The following HCN4 variants were observed in gnomAD, a reference collection of about 807,000 sequenced individuals.
HCN4 encodes the protein hyperpolarization activated cyclic nucleotide gated potassium channel 4.
In HCN4, 29 loss-of-function variants were observed where a neutral mutation model predicts 76.9. The observed-to-expected ratio is 0.38, with a 90% CI of 0.28 to 0.51. HCN4 has a LOEUF of 0.51. Among genes scored for constraint, HCN4 ranks in the 20% least tolerant of loss-of-function variants. The probability of loss-of-function intolerance (pLI) is 0.90; values close to 1 mark genes in which losing one functional copy is unlikely to be tolerated. For synonymous variants in HCN4, 772 were observed against 762.5 expected, an observed-to-expected ratio of 1.01 and a Z score of -0.21; for missense variants, 1,416 against 1,715.2, an observed-to-expected ratio of 0.83 and a Z score of 3.08.
chr15:73,368,287 G>A lies in HCN4; in HGVS notation c.-17C>T. The A allele has an allele frequency of 1.4e-6, 2 of 1,475,266 alleles. No homozygotes were observed. The highest frequency in any genetic ancestry group is 1.8e-6 in the Non-Finnish European group (2 of 1,117,052). The allele number at this position is 1,475,266 out of a possible 1,614,324, so 91.4% of individuals were successfully genotyped here. On this transcript the variant is annotated 5_prime_UTR_variant, in exon 1 of 8. Coordinates refer to ENST00000261917, the MANE Select transcript of HCN4 (RefSeq NM_005477.3). The surrounding 1 kb of genome is among the most constrained non-coding windows in gnomAD (Gnocchi z 6.9). ...CTTGTCCATGGCGCCAGGGGCCGGG[G>A]TCGGACCGGGCCGGGGGCAGGAGCG...
In HCN4 at chr15:73,322,788, C is replaced by T. The variant is rs548130184; in HGVS notation, c.3305G>A (p.Arg1102His). 51 of 1,552,348 alleles carry T rather than the reference C, an allele frequency of 3.3e-5. No homozygotes were observed. The highest frequency in any genetic ancestry group is 1.2e-4 in the Admixed American group (6 of 51,196). ...CCCTGAGGAGTGCGGGGAGGCTCTG[C>T]GGAGAGTCTGCGCCCCGTCCTGAGG... The part of the protein sequence containing the change: ...ALPQDGAQTL[R>H]RASPHSSGES... Residue 1102 changes from arginine to histidine, a missense_variant, in exon 8 of 8, where the codon CGC (arginine) becomes CAC (histidine). Arg to His is a conservative substitution (Grantham distance 29). Transcript: ENST00000261917.
chr15:73,334,444 C>G (rs375574421), intron 2 of HCN4, among the ~76,000 whole-genome samples: 2 of 152,026 alleles, frequency 1.3e-5, no homozygotes, highest in African/African-American at 4.8e-5. Flanking sequence ...CAGCACCAGC[C>G]GGGGGGAAGA....
At position 73,336,633 on chromosome 15, in the gene HCN4, GTCTC is replaced by G. The variant is rs1567780913; in HGVS notation, c.1210-4345_1210-4342del. 2.0e-5 allele frequency among the ~76,000 whole-genome samples: 3 copies of G among 152,230 alleles called. No homozygotes were observed. The East Asian group carries it at 5.8e-4, about 29-fold the overall frequency. On this transcript the variant is annotated intron_variant, in intron 2 of 7. Transcript: ENST00000261917. ...AAACCCACCAGCCAGCCGTGAGTGA[GTCTC>G]TCATCCCTCCCCACATCCCATCAAT...
At position 73,322,581 on chromosome 15, in the gene HCN4, C is replaced by A. The variant is rs751152874; in HGVS notation, c.3512G>T (p.Arg1171Ile). 2 of 1,610,116 alleles carry A rather than the reference C, an allele frequency of 1.2e-6. No homozygotes were observed. The highest frequency in any genetic ancestry group is 1.7e-6 in the Non-Finnish European group (2 of 1,178,622). Reference protein sequence around the residue: ...LPPPLSLFGARATSSGGPPLT... With the variant: ...LPPPLSLFGAIATSSGGPPLT... ...AGGGGGCCCCCCAGAAGAGGTGGCTCTTGCCCCAAACAAAGACAGAGGGGG... is the reference window on the plus strand; with the variant it reads ...AGGGGGCCCCCCAGAAGAGGTGGCTATTGCCCCAAACAAAGACAGAGGGGG... The change falls in exon 8 of 8, where the codon AGA (arginine) becomes ATA (isoleucine). Residue 1171 changes from arginine to isoleucine, a missense_variant. Coordinates refer to ENST00000261917, the MANE Select transcript of HCN4 (RefSeq NM_005477.3).
intron 1 of HCN4, among the ~76,000 whole-genome samples, chr15:73,357,097 A>G (rs145033901): frequency 0.011 from 1,664 of 152,284 alleles, 26 homozygotes; most frequent in African/African-American, 0.037. Flanking sequence ...CCAAACATCC[A>G]TGATCACATA....
intron 1 of HCN4, among the ~76,000 whole-genome samples, chr15:73,357,812 G>C: frequency 6.6e-6 from 1 of 152,048 alleles, no homozygotes; most frequent in South Asian, 2.1e-4. Context: ...AGGCCCCTAG[G>C]TAAGAGATCT....
At chr15:73,337,831 G>C (rs550770431) in intron 2 of HCN4, among the ~76,000 whole-genome samples, 2 of 152,308 alleles carry the variant, frequency 1.3e-5, no homozygotes, top group African/African-American at 4.8e-5. Context: ...CCTGTGGGAA[G>C]AACCAAGGTG....
In HCN4 at chr15:73,322,914, G is replaced by T. The variant is rs764262532; in HGVS notation, c.3179C>A (p.Pro1060His). The T allele has an allele frequency of 7.1e-6, 10 of 1,402,630 alleles. No individual in the cohort carries two copies. The highest frequency in any genetic ancestry group is 9.4e-6 in the Non-Finnish European group (10 of 1,061,408). 86.9% of individuals were successfully genotyped at this position (1,402,630 alleles called of 1,614,324 possible). Residue 1060 changes from proline (P) to histidine (H), a missense_variant, in exon 8 of 8, where the codon CCC becomes CAC. Coordinates refer to ENST00000261917, the MANE Select transcript of HCN4 (RefSeq NM_005477.3). Reference sequence around the variant, plus strand: ...GCGCTGGGGGACCTGGGGTGGTGGGGGGCTGGATGCAGGTGGCAGGAGCAA... The same window carrying T: ...GCGCTGGGGGACCTGGGGTGGTGGGTGGCTGGATGCAGGTGGCAGGAGCAA... Reference protein sequence around the residue: ...GSLLLPPASSPPPPQVPQRRG... With the variant: ...GSLLLPPASSHPPPQVPQRRG...
At position 73,324,857 on chromosome 15, in the gene HCN4, G is replaced by A. The variant is rs539608754; in HGVS notation, c.1978+98C>T. ...CACAGACACCTCCCTCCAGGCTGTG[G>A]CCAAGAAGGGTGCTCACTGCCTCTG... On this transcript the variant is annotated intron_variant, in intron 6 of 7. Coordinates refer to ENST00000261917, the MANE Select transcript of HCN4 (RefSeq NM_005477.3). 220 of 1,470,638 alleles carry A rather than the reference G, an allele frequency of 1.5e-4. 2 individuals carry two copies. In the African/African-American group the frequency reaches 2.9e-3, roughly 19 times the overall value. 91.1% of individuals were successfully genotyped at this position (1,470,638 alleles called of 1,614,324 possible). A position where few individuals can be genotyped will look rare whatever the true frequency, so the allele number is the denominator to read the frequency against.
chr15:73,347,606 G>A (rs1484805829), intron 1 of HCN4, among the ~76,000 whole-genome samples: 1 of 152,162 alleles, frequency 6.6e-6, no homozygotes, highest in African/African-American at 2.4e-5. Context: ...GGCTCACAAA[G>A]GAAGGAAGAG....
chr15:73,333,626 G>A (rs1434964157), intron 2 of HCN4, among the ~76,000 whole-genome samples: 1 of 152,166 alleles, frequency 6.6e-6, no homozygotes, highest in East Asian at 1.9e-4. Flanking sequence ...TGACCCTGAA[G>A]GTTCCAGCTA....
chr15:73,330,879 G>A (rs958863342), intron 3 of HCN4, among the ~76,000 whole-genome samples: 3 of 152,214 alleles, frequency 2.0e-5, no homozygotes, highest in African/African-American at 7.2e-5. Context: ...GGGAACAGGG[G>A]TAGGCCCCCA....
chr15:73,338,322 C>G (rs1260828987), intron 2 of HCN4, among the ~76,000 whole-genome samples: 2 of 152,198 alleles, frequency 1.3e-5, no homozygotes, highest in Non-Finnish European at 2.9e-5. Context: ...ACCTTCATTT[C>G]CAGGCCACTA....
Position 73,323,326 on chromosome 15 carries a change from A to T in HCN4, c.2767T>A (p.Ser923Thr), listed in dbSNP as rs1241195017. The T allele has an allele frequency of 6.4e-7, 1 of 1,560,128 alleles. No individual in the cohort carries two copies. Among genetic ancestry groups the T allele is most frequent in the African/African-American group, 1.4e-5 (1 of 73,762 alleles). Residue 923 changes from serine (S) to threonine (T), a missense_variant, in exon 8 of 8, where the codon TCT becomes ACT. Around this residue, in one of 6 missense-constraint regions of HCN4, gnomAD observed 633 missense variants for 579.8 expected, o/e 1.09. Transcript: ENST00000261917. ...ALGGSLSSSD[S>T]PLLTPLQPGA... is the part of the protein sequence containing the mutation. Reference sequence around the variant, plus strand: ...GGCTGCAGCGGGGTGAGCAGGGGAGAGTCGGAGGAGGACAGGGAGCCACCC... The same window carrying T: ...GGCTGCAGCGGGGTGAGCAGGGGAGTGTCGGAGGAGGACAGGGAGCCACCC...
At position 73,322,834 on chromosome 15, in the gene HCN4, A is replaced by C. The variant is rs1202559784; in HGVS notation, c.3259T>G (p.Ser1087Ala). The C allele has an allele frequency of 5.3e-6, 8 of 1,521,400 alleles. No homozygotes were observed. In the Admixed American group the frequency reaches 1.7e-4, roughly 32 times the overall value. The allele number at this position is 1,521,400 out of a possible 1,614,324, so 94.2% of individuals were successfully genotyped here. ...GRLTQDLKLISASQPALPQDG... is the reference protein window; with the variant it reads ...GRLTQDLKLIAASQPALPQDG... ...TGAGGCAGGGCTGGCTGAGACGCGG[A>C]GATGAGCTTGAGGTCCTGGGTGAGG... Residue 1087 changes from serine to alanine, a missense_variant, in exon 8 of 8, where the codon TCC becomes GCC. This residue lies in a region of HCN4 where 633 missense variants were observed against 579.8 expected (regional missense o/e 1.09). Coordinates refer to ENST00000261917, the MANE Select transcript of HCN4 (RefSeq NM_005477.3).
At chr15:73,356,271 C>T (rs187650420) in intron 1 of HCN4, among the ~76,000 whole-genome samples, 79 of 150,692 alleles carry the variant, frequency 5.2e-4, no homozygotes, top group African/African-American at 1.8e-3. Flanking sequence ...ACTGCAGCCT[C>T]GACCTCCCTG....
rs533030987 is a variant in HCN4, at chr15:73,366,996, C to A, written c.785+490G>T. Among the ~76,000 whole-genome samples, 112 of 152,304 alleles carry A rather than the reference C, an allele frequency of 7.4e-4. 1 individual carries two copies. Among genetic ancestry groups the A allele is most frequent in the African/African-American group, 2.6e-3 (109 of 41,578 alleles). On this transcript the variant is annotated intron_variant, in intron 1 of 7. Coordinates refer to ENST00000261917, the MANE Select transcript of HCN4 (RefSeq NM_005477.3). ...CCCAGTGACTTCGGTCCTCCAGGGA[C>A]CCGGCCGCAGCTTCCCAGGGCACCA...
rs374292110 is a variant in HCN4, at chr15:73,343,822, C to G, written c.786-14G>C. ...TCCCAGTAAAATCTGCCCAGAGACA[C>G]AGGGGTCAGTCGCCAGGAAGAGAGA... is the stretch of plus-strand genomic sequence containing the variant. On this transcript the variant is annotated splice_polypyrimidine_tract_variant and intron_variant, in intron 1 of 7. Transcript: ENST00000261917. This position sits in a 1 kb window ranked among gnomAD's most constrained non-coding sequence, Gnocchi z 5.7. The G allele has an allele frequency of 1.1e-5, 18 of 1,613,476 alleles. No homozygotes were observed. Among genetic ancestry groups the G allele is most frequent in the Non-Finnish European group, 1.5e-5 (18 of 1,179,974 alleles).
At position 73,325,457 on chromosome 15, in the gene HCN4, G is replaced by A. The variant is rs1384097989; in HGVS notation, c.1591-13C>T. The A allele has an allele frequency of 6.2e-7, 1 of 1,613,986 alleles. No homozygotes were observed. The highest frequency in any genetic ancestry group is 8.5e-7 in the Non-Finnish European group (1 of 1,179,878). On this transcript the variant is annotated splice_polypyrimidine_tract_variant and intron_variant, in intron 4 of 7. Transcript: ENST00000261917. The surrounding 1 kb of genome is among the most constrained non-coding windows in gnomAD (Gnocchi z 7.4). ...CCACCTGCTTGTACTGAGGCCGGGA[G>A]AAGGGGGCGTCAGCTCCACCCCACC...
Sources: allele counts gnomAD v4.1 joint callset (sites outside exome capture counted in the v4.1 genomes callset), GRCh38; gene constraint gnomAD v4.1.1; regional missense constraint gnomAD v4.1.1; non-coding constraint Gnocchi (gnomAD v3.1); transcripts MANE v1.5; gene names NCBI Gene and HGNC (gene_info 2026-07-23, HGNC 2026-07-21).